The following PPP1R12B variants were observed in gnomAD, a reference collection of about 807,000 sequenced individuals.
PPP1R12B encodes the protein myosin phosphatase target subunit 2.
In PPP1R12B, 76 loss-of-function variants were observed where a neutral mutation model predicts 126.1. The ratio of observed to expected loss-of-function variants is 0.60; its 90% CI spans 0.50 to 0.73. The LOEUF is 0.73. Ranked by LOEUF, PPP1R12B falls within the 30% of genes least tolerant of loss-of-function variation. PPP1R12B has a pLI of 0.00. For synonymous variants in PPP1R12B, 356 were observed against 434.7 expected (o/e 0.82, Z 2.25); for missense variants, 1,052 against 1,205.1 (o/e 0.87, Z 1.88).
intron 12 of PPP1R12B, 73 bp from the exon 13 acceptor site, chr1:202,448,916 G>A: frequency 6.8e-7 from 1 of 1,470,102 alleles, no homozygotes; most frequent in Admixed American, 1.8e-5. Context: ...TAATCCTTCT[G>A]TCTCTGTGCC....
chr1:202,375,260 A>G (rs959830383), intron 1 of PPP1R12B, among the ~76,000 whole-genome samples: 28 of 152,332 alleles, frequency 1.8e-4, no homozygotes, highest in Admixed American at 5.2e-4. Flanking sequence ...ACTATTTTCT[A>G]TGCTTCAGCC....
intron 10 of PPP1R12B, chr1:202,439,785 A>G (rs1200658146): frequency 2.2e-5 from 10 of 464,902 alleles, no homozygotes; most frequent in Admixed American, 6.8e-5. Flanking sequence ...CTTCAGACCC[A>G]CTTTCCTCCC....
At chr1:202,564,681 T>C in intron 21 of PPP1R12B, 134 bp downstream of exon 21, 1 of 601,112 alleles carries the variant, frequency 1.7e-6, no homozygotes, top group South Asian at 2.2e-5. Flanking sequence ...GATAGAAGCT[T>C]CTTAGATTCT....
intron 12 of PPP1R12B, chr1:202,445,376 G>A (rs905361678): frequency 3.0e-6 from 2 of 661,152 alleles, no homozygotes; most frequent in African/African-American, 3.7e-5. Context: ...AGATGCTTTT[G>A]CTTTGACTTG....
chr1:202,401,733 G>C (rs1299475617), intron 1 of PPP1R12B, among the ~76,000 whole-genome samples: 6 of 152,166 alleles, frequency 3.9e-5, no homozygotes, highest in African/African-American at 1.2e-4. Flanking sequence ...GCTGTGGAAA[G>C]ATTAGGATGG....
rs1389548008 is a variant in PPP1R12B at position 202,495,541 on chromosome 1, A to T, written c.2336-29A>T. 1.9e-6 allele frequency: 3 copies of T among 1,612,750 alleles called. No individual in the cohort carries two copies. The South Asian group carries it at 3.3e-5, about 18-fold the overall frequency. ...ACAGTGCACATCCCCAGATTCTTAA[A>T]GTTCATACTTTATTTTATCTCTGGC... On this transcript the variant is annotated intron_variant, in intron 16 of 23. Coordinates refer to ENST00000608999, the MANE Select transcript of PPP1R12B (RefSeq NM_002481.4).
At chr1:202,426,021 C>T (rs929132256) in intron 4 of PPP1R12B, among the ~76,000 whole-genome samples, 23 of 152,308 alleles carry the variant, frequency 1.5e-4, no homozygotes, top group South Asian at 2.1e-4. Context: ...ATCCCTGCAA[C>T]GACCTCTTCT....
intron 1 of PPP1R12B, among the ~76,000 whole-genome samples, chr1:202,399,434 T>A (rs1304900700): frequency 1.3e-5 from 2 of 152,098 alleles, no homozygotes; most frequent in African/African-American, 4.8e-5. Context: ...TTGTCCAAGC[T>A]GGTCTCAAAC....
intron 13 of PPP1R12B, among the ~76,000 whole-genome samples, chr1:202,467,690 G>A (rs1299522320): frequency 2.0e-5 from 3 of 152,206 alleles, no homozygotes; most frequent in African/African-American, 7.2e-5. Context: ...ACATATGTGT[G>A]CATGTGTCTT....
intron 13 of PPP1R12B, among the ~76,000 whole-genome samples, chr1:202,478,843 A>G (rs1677005590): frequency 6.6e-6 from 1 of 152,220 alleles, no homozygotes; most frequent in Non-Finnish European, 1.5e-5. Flanking sequence ...CTTACCTACC[A>G]GGTTTTTATG....
intron 18 of PPP1R12B, among the ~76,000 whole-genome samples, chr1:202,510,698 A>G (rs1681363111): frequency 6.6e-6 from 1 of 152,030 alleles, no homozygotes; most frequent in Non-Finnish European, 1.5e-5. Context: ...TTCAGTCAAC[A>G]TATATTTATT....
At chr1:202,549,772 G>A (rs1572474467) in intron 18 of PPP1R12B, among the ~76,000 whole-genome samples, 1 of 152,102 alleles carries the variant, frequency 6.6e-6, no homozygotes, top group Admixed American at 6.5e-5. Flanking sequence ...CCTCCTCAGA[G>A]AAGAGCTCTT....
Position 202,348,912 on chromosome 1 carries a change from G to C in PPP1R12B, c.61G>C (p.Glu21Gln). The change falls in exon 1 of 24, where the codon GAG becomes CAG. Residue 21 changes from glutamate (E) to glutamine (Q), a missense_variant. Coordinates refer to ENST00000608999, the MANE Select transcript of PPP1R12B (RefSeq NM_002481.4). ...RAESARMRRA[E>Q]QLRRWRGSLT... ...AGAGTCGGCGCGAATGCGGCGGGCA[G>C]AGCAGCTTCGGCGCTGGCGGGGCTC... The C allele has an allele frequency of 6.2e-7, 1 of 1,609,292 alleles. No homozygotes were observed. Among genetic ancestry groups the C allele is most frequent in the Non-Finnish European group, 8.5e-7 (1 of 1,178,710 alleles).
At chr1:202,535,436 G>A (rs766731938) in intron 18 of PPP1R12B, among the ~76,000 whole-genome samples, 1 of 152,092 alleles carries the variant, frequency 6.6e-6, no homozygotes, top group Admixed American at 6.6e-5. Flanking sequence ...GGAGAGTTGA[G>A]TCAATGAGAG....
intron 1 of PPP1R12B, among the ~76,000 whole-genome samples, chr1:202,415,588 A>C (rs1483958216): frequency 6.6e-6 from 1 of 152,138 alleles, no homozygotes; most frequent in Non-Finnish European, 1.5e-5. Flanking sequence ...CTTCTACCAC[A>C]TTTTTATTCT....
chr1:202,444,476 C>T (rs111690815), intron 12 of PPP1R12B, among the ~76,000 whole-genome samples: 95 of 152,256 alleles, frequency 6.2e-4, no homozygotes, highest in African/African-American at 2.1e-3. Flanking sequence ...GACAATTTTG[C>T]TTTAGGCTGA....
At chr1:202,487,924 G>A (rs1407923989) in intron 13 of PPP1R12B, among the ~76,000 whole-genome samples, 1 of 152,058 alleles carries the variant, frequency 6.6e-6, no homozygotes, top group Non-Finnish European at 1.5e-5. Flanking sequence ...GACTTCCAGT[G>A]GATGACTGAA....
At chr1:202,365,444 A>G (rs1360082456) in intron 1 of PPP1R12B, among the ~76,000 whole-genome samples, 2 of 152,234 alleles carry the variant, frequency 1.3e-5, no homozygotes, top group Non-Finnish European at 2.9e-5. Flanking sequence ...AAGAAAAAAA[A>G]AAAGTAATTT....
In PPP1R12B at chr1:202,362,285, A is replaced by T. The variant is rs796286581; in HGVS notation, c.291+13143A>T. ...CATGTTTAAATTGTTCCTCCTTGACAGTAGATAGCATGAAAAATGAGGTCA... is the reference window on the plus strand; with the variant it reads ...CATGTTTAAATTGTTCCTCCTTGACTGTAGATAGCATGAAAAATGAGGTCA... On this transcript the variant is annotated intron_variant, in intron 1 of 23. Coordinates refer to ENST00000608999, the MANE Select transcript of PPP1R12B (RefSeq NM_002481.4). 3.3e-5 allele frequency among the ~76,000 whole-genome samples: 5 copies of T among 152,258 alleles called. 1 individual carries two copies. The highest frequency in any genetic ancestry group is 1.2e-4 in the African/African-American group (5 of 41,558).
Sources: gnomAD v4.1 joint callset for allele counts (sites outside exome capture counted in the v4.1 genomes callset) on GRCh38, gnomAD v4.1.1 for gene constraint, MANE v1.5 for transcripts, NCBI Gene and HGNC (gene_info 2026-07-23, HGNC 2026-07-21) for gene names.